Variants in RSAD2 observed in about 807,000 individuals in gnomAD.
RSAD2 encodes radical S-adenosyl methionine domain containing 2.
A neutral mutation model predicts 37.7 loss-of-function variants in RSAD2; 38 were observed. The ratio of observed to expected loss-of-function variants is 1.01; its 90% confidence interval spans 0.78 to 1.32. The LOEUF (loss-of-function observed/expected upper bound fraction) is 1.32, where lower values mean the gene tolerates loss of function less well. Ranked by LOEUF, RSAD2 falls within the 40% of genes most tolerant of loss-of-function variation. The pLI is 0.00. For synonymous variants in RSAD2, 163 were observed against 157.4 expected, an observed-to-expected ratio of 1.04 and a Z score of -0.27; for missense variants, 428 against 437.5, an observed-to-expected ratio of 0.98 and a Z score of 0.19.
intron 1 of RSAD2, among the ~76,000 whole-genome samples, chr2:6,870,728 C>T (rs886520487): frequency 6.6e-6 from 1 of 152,108 alleles, no homozygotes; most frequent in African/African-American, 2.4e-5. Context: ...TCCCTGTTGG[C>T]CCAGGGTTTA....
chr2:6,877,396 G>C (rs755040208), upstream of RSAD2, among the ~76,000 whole-genome samples: 21 of 152,182 alleles, frequency 1.4e-4, no homozygotes, highest in Non-Finnish European at 2.6e-4. Flanking sequence ...AGCAAAAACT[G>C]TTACTTGGCT....
Position 6,897,223 on chromosome 2 carries a change from A to G in RSAD2, c.*1281A>G, listed in dbSNP as rs1160741285. 2 of 152,234 alleles carry G rather than the reference A, an allele frequency of 1.3e-5. No individual in the cohort carries two copies. Among genetic ancestry groups the G allele is most frequent in the Non-Finnish European group, 2.9e-5 (2 of 68,040 alleles). 9.4% of individuals were successfully genotyped at this position (152,234 alleles called of 1,614,324 possible). A position where few individuals can be genotyped will look rare whatever the true frequency, so the allele number is the denominator to read the frequency against. On this transcript the variant is annotated 3_prime_UTR_variant, in exon 6 of 6. Coordinates refer to ENST00000382040, the MANE Select transcript of RSAD2 (RefSeq NM_080657.5). The stretch of plus-strand genomic sequence containing the variant: ...CCCATGCAGTTTGTTGATACAACTT[A>G]GTATCTTATTGCCTAAAAAAAAATT...
At position 6,886,931 on chromosome 2, in the gene RSAD2, T is replaced by G; in HGVS notation, c.509-4T>G. On this transcript the variant is annotated splice_polypyrimidine_tract_variant and splice_region_variant and intron_variant, in intron 2 of 5. Transcript: ENST00000382040. ...AAAGTTTAAACATGATCATTTTCCC[T>G]CAGGTGAGTATTTGGACATTCTCGC... is the stretch of plus-strand genomic sequence containing the variant. 6.2e-7 allele frequency: 1 copy of G among 1,611,040 alleles called. No individual in the cohort carries two copies.
chr2:6,887,603 A>G (rs1030091384), intron 3 of RSAD2, among the ~76,000 whole-genome samples: 1 of 152,224 alleles, frequency 6.6e-6, no homozygotes, highest in Non-Finnish European at 1.5e-5. Context: ...AAGTTGTAGC[A>G]AAATGGGACC....
At chr2:6,876,156 C>T (rs1163016763), upstream of RSAD2, among the ~76,000 whole-genome samples, 1 of 152,168 alleles carries the variant, frequency 6.6e-6, no homozygotes, top group Non-Finnish European at 1.5e-5. Flanking sequence ...TAAGGCTAGC[C>T]AAATCTCTGA....
At chr2:6,874,382 TTGAGTA>T (rs1352051142), upstream of RSAD2, among the ~76,000 whole-genome samples, 1 of 152,226 alleles carries the variant, frequency 6.6e-6, no homozygotes, top group African/African-American at 2.4e-5. Context: ...GTTATCAGTC[TTGAGTA>T]TGATTATTTA....
Position 6,878,132 on chromosome 2 carries a change from T to C in RSAD2, c.332T>C (p.Leu111Ser). 1 of 1,613,730 alleles carries C rather than the reference T, an allele frequency of 6.2e-7. No individual in the cohort carries two copies. Among genetic ancestry groups the C allele is most frequent in the East Asian group, 2.2e-5 (1 of 44,882 alleles). ...GAGGAAGCAAAGAGAGGATTGCTTT[T>C]GCTTAAGGAAGCTGGTGAGTACATG... ...PLEEAKRGLLLLKEAGMEKIN... is the reference protein window; with the variant it reads ...PLEEAKRGLLSLKEAGMEKIN... Residue 111 changes from leucine to serine, a missense_variant, in exon 1 of 6, where the codon TTG becomes TCG. Transcript: ENST00000382040.
rs747555680 is a variant in RSAD2 at position 6,878,166 on chromosome 2, C to G, written c.346+20C>G. 7 of 1,593,562 alleles carry G rather than the reference C, an allele frequency of 4.4e-6. No individual in the cohort carries two copies. Among genetic ancestry groups the G allele is most frequent in the Admixed American group, 1.7e-5 (1 of 58,570 alleles). On this transcript the variant is annotated intron_variant, in intron 1 of 5. Transcript: ENST00000382040. ...AAGCTGGTGAGTACATGGTCCTAGA[C>G]AGAAATCAGGATTCTCAACCACTGG...
chr2:6,884,248 C>G (rs1663471824), intron 2 of RSAD2, among the ~76,000 whole-genome samples: 1 of 152,098 alleles, frequency 6.6e-6, no homozygotes, highest in Non-Finnish European at 1.5e-5. Context: ...TCTGATACCC[C>G]ATCTGTGATG....
At chr2:6,866,994 T>C (rs1029604895) in intron 1 of RSAD2, among the ~76,000 whole-genome samples, 1 of 152,212 alleles carries the variant, frequency 6.6e-6, no homozygotes, top group African/African-American at 2.4e-5. Context: ...GAGAATAGAA[T>C]AGTTTTTATT....
At position 6,887,234 on chromosome 2, in the gene RSAD2, A is replaced by G. The variant is rs115934301; in HGVS notation, c.738+70A>G. The G allele has an allele frequency of 4.9e-3, 5,811 of 1,183,672 alleles. 29 individuals carry two copies. The highest frequency in any genetic ancestry group is 6.5e-3 in the Non-Finnish European group (5,325 of 813,610). The allele number at this position is 1,183,672 out of a possible 1,614,324, so 73.3% of individuals were successfully genotyped here. On this transcript the variant is annotated intron_variant, in intron 3 of 5. Transcript: ENST00000382040. The stretch of plus-strand genomic sequence containing the variant: ...TTCAGGAATGACTTTTTTCAATGAA[A>G]CTGAAAACAATACTGATACAAGAGA...
intron 5 of RSAD2, among the ~76,000 whole-genome samples, chr2:6,894,603 A>G (rs1042874872): frequency 2.7e-4 from 41 of 152,136 alleles, no homozygotes; most frequent in African/African-American, 9.9e-4. Flanking sequence ...GGTAGCTGGT[A>G]CTACAGATGT....
intron 1 of RSAD2, among the ~76,000 whole-genome samples, chr2:6,880,994 A>G (rs1444575744): frequency 1.3e-5 from 2 of 152,286 alleles, no homozygotes; most frequent in South Asian, 2.1e-4. Context: ...TCACTCATGT[A>G]TGTTAACACT....
At position 6,877,789 on chromosome 2, in the gene RSAD2, G is replaced by T; in HGVS notation, c.-12G>T. The T allele has an allele frequency of 6.2e-7, 1 of 1,608,620 alleles. No individual in the cohort carries two copies. Among genetic ancestry groups the T allele is most frequent in the Non-Finnish European group, 8.5e-7 (1 of 1,176,478 alleles). ...GCATACAGAGACTGCTCTGCTCCAG[G>T]CATCTGCCACAATGTGGGTGCTTAC... is the stretch of plus-strand genomic sequence containing the variant. On this transcript the variant is annotated 5_prime_UTR_variant, in exon 1 of 6. Coordinates refer to ENST00000382040, the MANE Select transcript of RSAD2 (RefSeq NM_080657.5).
chr2:6,878,917 C>G (rs183974662), intron 1 of RSAD2: 5 of 1,004,014 alleles, frequency 5.0e-6, no homozygotes, highest in Non-Finnish European at 6.9e-6. Context: ...CCAGATTACA[C>G]ATATTCTGGA....
intron 4 of RSAD2, among the ~76,000 whole-genome samples, chr2:6,892,378 T>A (rs1055676458): frequency 5.9e-5 from 9 of 152,184 alleles, no homozygotes; most frequent in African/African-American, 2.2e-4. Context: ...TGCACTATTT[T>A]ATTTAATTTT....
intron 4 of RSAD2, 84 bp from the exon 5 acceptor site, chr2:6,893,587 A>G (rs796957994): frequency 9.3e-7 from 1 of 1,080,278 alleles, no homozygotes; most frequent in Non-Finnish European, 1.4e-6. Flanking sequence ...AAACAATACA[A>G]TGCAAACACT....
intron 1 of RSAD2, among the ~76,000 whole-genome samples, chr2:6,870,429 CT>C (rs991109364): frequency 6.6e-5 from 10 of 152,182 alleles, no homozygotes; most frequent in African/African-American, 2.4e-4. Flanking sequence ...AGGATTACAA[CT>C]TTGGGACCAT....
chr2:6,884,143 A>G (rs1395269807), intron 2 of RSAD2, among the ~76,000 whole-genome samples: 1 of 152,226 alleles, frequency 6.6e-6, no homozygotes, highest in Non-Finnish European at 1.5e-5. Context: ...GTTACAGTAC[A>G]ATTCTCTGTT....
Sources: gnomAD v4.1 joint callset for allele counts (sites outside exome capture counted in the v4.1 genomes callset) on GRCh38, gnomAD v4.1.1 for gene constraint, MANE v1.5 for transcripts, NCBI Gene and HGNC (gene_info 2026-07-23, HGNC 2026-07-21) for gene names.